The following SHISA9 variants were observed in gnomAD, a reference collection of about 807,000 sequenced individuals.
The protein encoded by SHISA9 is shisa family member 9.
A neutral mutation model predicts 38.0 loss-of-function variants in SHISA9; 13 were observed. That is an observed-to-expected ratio of 0.34 (90% confidence interval 0.22 to 0.54). The LOEUF (loss-of-function observed/expected upper bound fraction) is 0.54, where lower values mean the gene tolerates loss of function less well. Ranked by LOEUF, SHISA9 falls within the 20% of genes least tolerant of loss-of-function variation. The pLI is 0.91. For synonymous variants in SHISA9, 275 were observed against 242.0 expected (o/e 1.14, Z -1.27); for missense variants, 538 against 575.8 (o/e 0.93, Z 0.67).
At chr16:13,383,038 G>A in the SHISA9 span, among the ~76,000 whole-genome samples, 1 of 152,140 alleles carries the variant, frequency 6.6e-6, no homozygotes, top group Non-Finnish European at 1.5e-5. Flanking sequence ...TGGAAATAAA[G>A]CAATAAACAA....
At chr16:13,443,266 A>G in the SHISA9 span, among the ~76,000 whole-genome samples, 1 of 152,226 alleles carries the variant, frequency 6.6e-6, no homozygotes, top group Non-Finnish European at 1.5e-5. Flanking sequence ...AAATGAAGAA[A>G]TTCTAACTAA....
At chr16:13,394,928 G>GGTGTGT in the SHISA9 span, among the ~76,000 whole-genome samples, 4,625 of 139,412 alleles carry the variant, frequency 0.033, 88 homozygotes, top group East Asian at 0.048. Flanking sequence ...CAGTATCTGG[G>GGTGTGT]GTGTGTGTGT....
the SHISA9 span, among the ~76,000 whole-genome samples, chr16:13,517,628 C>G: frequency 6.6e-6 from 1 of 152,148 alleles, no homozygotes. Context: ...TCCCCTTCTC[C>G]TTATATGTCC....
chr16:13,272,892 G>C, the SHISA9 span, among the ~76,000 whole-genome samples: 11 of 152,058 alleles, frequency 7.2e-5, 1 homozygote, highest in South Asian at 2.3e-3. Context: ...TCTCTGCAAC[G>C]CTTAGACTTT....
the SHISA9 span, among the ~76,000 whole-genome samples, chr16:13,512,227 CA>C: frequency 6.6e-6 from 1 of 152,068 alleles, no homozygotes; most frequent in Admixed American, 6.6e-5. Flanking sequence ...GATACCTAAA[CA>C]AAAATTACCA....
the SHISA9 span, among the ~76,000 whole-genome samples, chr16:13,281,441 C>A: frequency 6.6e-6 from 1 of 151,584 alleles, no homozygotes; most frequent in Non-Finnish European, 1.5e-5. Context: ...AGTATGATGA[C>A]TTCTTCCTTT....
chr16:12,978,144 A>T (rs917625359), intron 2 of SHISA9, among the ~76,000 whole-genome samples: 1 of 152,180 alleles, frequency 6.6e-6, no homozygotes, highest in African/African-American at 2.4e-5. Flanking sequence ...CAACAATGGG[A>T]TGCTTTTCTC....
the SHISA9 span, among the ~76,000 whole-genome samples, chr16:13,287,570 G>A: frequency 6.6e-6 from 1 of 152,144 alleles, no homozygotes; most frequent in Non-Finnish European, 1.5e-5. Flanking sequence ...CGATCCACAT[G>A]GCCAAAATAA....
Position 13,107,472 on chromosome 16 carries a change from G to C in SHISA9, c.692-95922G>C, listed in dbSNP as rs8061411. Among the ~76,000 whole-genome samples the C allele has an allele frequency of 1.9e-4, 27 of 144,436 alleles. No individual in the cohort carries two copies. In the East Asian group the frequency reaches 2.7e-3, roughly 14 times the overall value. 94.8% of individuals were successfully genotyped at this position (144,436 alleles called of 152,430 possible). On this transcript the variant is annotated intron_variant, in intron 2 of 4. Coordinates refer to ENST00000558583, the MANE Select transcript of SHISA9 (RefSeq NM_001145204.3). ...CAAACAAACAAACAAAAAAACAACAGACACACACACACACACACACACACA... is the reference window on the plus strand; with the variant it reads ...CAAACAAACAAACAAAAAAACAACACACACACACACACACACACACACACA...
chr16:13,205,669 G>A (rs1017123715), intron 3 of SHISA9, among the ~76,000 whole-genome samples: 1 of 152,158 alleles, frequency 6.6e-6, no homozygotes, highest in African/African-American at 2.4e-5. Flanking sequence ...CCCTTCTCCA[G>A]AGCTCCCTGG....
chr16:13,338,241 C>T, the SHISA9 span, among the ~76,000 whole-genome samples: 1 of 152,288 alleles, frequency 6.6e-6, no homozygotes, highest in South Asian at 2.1e-4. Context: ...CCAGCCACAC[C>T]TGAAGCTTCC....
At chr16:13,374,816 C>T in the SHISA9 span, among the ~76,000 whole-genome samples, 1 of 152,218 alleles carries the variant, frequency 6.6e-6, no homozygotes, top group African/African-American at 2.4e-5. Context: ...TCCACATCCT[C>T]TCCAGCATCT....
At chr16:13,300,373 C>T in the SHISA9 span, among the ~76,000 whole-genome samples, 2 of 152,094 alleles carry the variant, frequency 1.3e-5, no homozygotes, top group African/African-American at 4.8e-5. Context: ...CTCCTCATTC[C>T]TAGCCCCAAA....
chr16:13,121,896 A>G (rs1031489802), intron 2 of SHISA9, among the ~76,000 whole-genome samples: 2 of 150,754 alleles, frequency 1.3e-5, no homozygotes, highest in Non-Finnish European at 3.0e-5. Flanking sequence ...ACAGGCCTAC[A>G]TAACAGACAT....
At chr16:12,999,646 C>T (rs1211516215) in intron 2 of SHISA9, among the ~76,000 whole-genome samples, 1 of 152,142 alleles carries the variant, frequency 6.6e-6, no homozygotes, top group Non-Finnish European at 1.5e-5. Flanking sequence ...TGCATGGGGC[C>T]TGATAGATGT....
chr16:13,317,995 C>T, the SHISA9 span, among the ~76,000 whole-genome samples: 1 of 85,382 alleles, frequency 1.2e-5, no homozygotes. Flanking sequence ...CTTCAAATGC[C>T]TTGTTTTTTT....
At chr16:13,011,318 CA>C (rs1284045275) in intron 2 of SHISA9, among the ~76,000 whole-genome samples, 2 of 131,152 alleles carry the variant, frequency 1.5e-5, no homozygotes, top group African/African-American at 5.5e-5. Context: ...TATTAGCACT[CA>C]TTTTTTTTTT....
At chr16:13,335,948 C>T in the SHISA9 span, among the ~76,000 whole-genome samples, 1 of 152,248 alleles carries the variant, frequency 6.6e-6, no homozygotes, top group African/African-American at 2.4e-5. Flanking sequence ...GGATTACTCA[C>T]ATCTCCTTCA....
At chr16:13,263,196 G>T in the SHISA9 span, among the ~76,000 whole-genome samples, 1 of 152,110 alleles carries the variant, frequency 6.6e-6, no homozygotes, top group Non-Finnish European at 1.5e-5. Context: ...TGGGAATTCG[G>T]CAAGGACTTT....
Sources: gnomAD v4.1 joint callset for allele counts (sites outside exome capture counted in the v4.1 genomes callset) on GRCh38, gnomAD v4.1.1 for gene constraint, MANE v1.5 for transcripts, NCBI Gene and HGNC (gene_info 2026-07-23, HGNC 2026-07-21) for gene names.